NEK5: variants seen among roughly 807,000 people sequenced by gnomAD.
NEK5 encodes the protein serine/threonine-protein kinase Nek5.
NEK5 carries 88 observed loss-of-function variants against 109.2 expected under a neutral mutation model. The observed-to-expected ratio is 0.81, with a 90% CI of 0.68 to 0.96. The LOEUF is 0.96. Among genes scored for constraint, NEK5 ranks in the 40% least tolerant of loss-of-function variants. The pLI is 0.00. For synonymous variants in NEK5, 283 were observed against 299.9 expected, an observed-to-expected ratio of 0.94 and a Z score of 0.58; for missense variants, 834 against 920.7, an observed-to-expected ratio of 0.91 and a Z score of 1.22.
At chr13:52,038,303 C>G (rs1226190755) in intron 23 of NEK5, among the ~76,000 whole-genome samples, 1 of 152,038 alleles carries the variant, frequency 6.6e-6, no homozygotes, top group Non-Finnish European at 1.5e-5. Context: ...GCCTGGGAGA[C>G]AGAGCGAGAC....
chr13:52,054,528 T>A (rs1954535708), intron 22 of NEK5, among the ~76,000 whole-genome samples: 1 of 152,200 alleles, frequency 6.6e-6, no homozygotes, highest in East Asian at 1.9e-4. Flanking sequence ...AGCAGTAACC[T>A]CTGCAGACTT....
intron 1 of NEK5, among the ~76,000 whole-genome samples, chr13:52,128,668 C>T (rs1347221530): frequency 6.6e-6 from 1 of 152,114 alleles, no homozygotes; most frequent in Admixed American, 6.5e-5. Flanking sequence ...GAGACGCATA[C>T]GGACTTGGGG....
chr13:52,039,055 C>A (rs150021502), intron 23 of NEK5, among the ~76,000 whole-genome samples: 72 of 152,136 alleles, frequency 4.7e-4, no homozygotes, highest in Admixed American at 7.9e-4. Flanking sequence ...TGAAAAGAGG[C>A]TGGGTTTTAG....
Position 52,087,407 on chromosome 13 carries a change from C to T in NEK5, c.1323G>A (p.Glu441=). ...TAGGCTCTTCTCCATTACTTCTTAGCTCTTGTCTCTGGTTGTAATTTGGCT... is the reference window on the plus strand; with the variant it reads ...TAGGCTCTTCTCCATTACTTCTTAGTTCTTGTCTCTGGTTGTAATTTGGCT... The part of the protein sequence containing the change: ...SAEPNYNQRQ[E]LRSNGEEPRF... Residue 441 remains glutamate, a synonymous_variant, in exon 15 of 24, where the codon GAG becomes GAA. Coordinates refer to ENST00000684899, the MANE Select transcript of NEK5 (RefSeq NM_001365552.1). The T allele has an allele frequency of 6.2e-7, 1 of 1,612,260 alleles. No individual in the cohort carries two copies. Among genetic ancestry groups the T allele is most frequent in the Non-Finnish European group, 8.5e-7 (1 of 1,178,670 alleles).
chr13:52,064,318 T>C (rs1343004471), intron 21 of NEK5, among the ~76,000 whole-genome samples: 1 of 115,814 alleles, frequency 8.6e-6, no homozygotes, highest in African/African-American at 3.2e-5. Flanking sequence ...GAGGAGCCCC[T>C]CTGCCTGGCC....
At chr13:52,127,890 T>TTATA (rs1442675395) in intron 1 of NEK5, among the ~76,000 whole-genome samples, 1 of 152,224 alleles carries the variant, frequency 6.6e-6, no homozygotes, top group African/African-American at 2.4e-5. Flanking sequence ...TTGTGCACTT[T>TTATA]TATAGTTCAG....
intron 3 of NEK5, 66 bp from the exon 4 acceptor site, chr13:52,119,481 T>G: frequency 1.4e-6 from 1 of 727,496 alleles, no homozygotes; most frequent in Non-Finnish European, 2.3e-6. Context: ...TGCTTTCTGC[T>G]CATTTCCATC....
At chr13:52,106,549 T>C (rs544538519) in intron 8 of NEK5, among the ~76,000 whole-genome samples, 1 of 152,090 alleles carries the variant, frequency 6.6e-6, no homozygotes, top group African/African-American at 2.4e-5. Flanking sequence ...GCAGATCACC[T>C]GAGGTCAAGA....
At chr13:52,091,225 T>C (rs1047105900) in intron 13 of NEK5, among the ~76,000 whole-genome samples, 7 of 151,730 alleles carry the variant, frequency 4.6e-5, no homozygotes, top group African/African-American at 1.4e-4. Context: ...AAATAATTGA[T>C]AGCTTGACAG....
chr13:52,087,586 G>A, intron 14 of NEK5, 132 bp from the exon 15 acceptor site: 2 of 501,488 alleles, frequency 4.0e-6, no homozygotes, highest in Non-Finnish European at 7.0e-6. Context: ...TTTTTTTTGT[G>A]GTAAGTAGTA....
chr13:52,082,149 C>T (rs111656287), intron 17 of NEK5: 25,395 of 255,118 alleles, frequency 0.1, 1,393 homozygotes, highest in Middle Eastern at 0.12. Flanking sequence ...GACCCTGTCT[C>T]TACTAAAATA....
intron 22 of NEK5, among the ~76,000 whole-genome samples, chr13:52,050,686 A>T: frequency 2.9e-5 from 4 of 137,710 alleles, no homozygotes; most frequent in Admixed American, 7.3e-5. Flanking sequence ...AAAGGACTAG[A>T]TTGAAGATAG....
At chr13:52,051,409 T>C (rs1954505151) in intron 22 of NEK5, among the ~76,000 whole-genome samples, 1 of 152,208 alleles carries the variant, frequency 6.6e-6, no homozygotes, top group Non-Finnish European at 1.5e-5. Flanking sequence ...CCTCGAAGAA[T>C]GCAGAAAAGG....
At chr13:52,078,225 T>C (rs1204940048) in intron 17 of NEK5, among the ~76,000 whole-genome samples, 1 of 152,200 alleles carries the variant, frequency 6.6e-6, no homozygotes, top group Non-Finnish European at 1.5e-5. Context: ...CAATAAAGAA[T>C]AATAATGAAC....
intron 12 of NEK5, among the ~76,000 whole-genome samples, chr13:52,094,770 T>C (rs1408258470): frequency 6.6e-6 from 1 of 152,124 alleles, no homozygotes; most frequent in Non-Finnish European, 1.5e-5. Flanking sequence ...TGAGACTCCG[T>C]CTCAAAAAAA....
At chr13:52,099,398 G>A (rs1177170605) in intron 12 of NEK5, among the ~76,000 whole-genome samples, 1 of 152,062 alleles carries the variant, frequency 6.6e-6, no homozygotes, top group African/African-American at 2.4e-5. Flanking sequence ...GGGGCCGGGC[G>A]CCATGGCTCA....
chr13:52,122,724 G>A (rs534399481), intron 3 of NEK5, among the ~76,000 whole-genome samples: 5 of 151,782 alleles, frequency 3.3e-5, no homozygotes, highest in African/African-American at 7.2e-5. Context: ...CAGAGATCAC[G>A]CCACTGCACT....
At chr13:52,071,102 T>C (rs182838563) in intron 20 of NEK5, among the ~76,000 whole-genome samples, 75 of 152,138 alleles carry the variant, frequency 4.9e-4, no homozygotes, top group Non-Finnish European at 2.8e-4. Context: ...ACAGAGAGAA[T>C]GAAGGAAGAG....
At chr13:52,116,743 T>C (rs569238739) in intron 4 of NEK5, among the ~76,000 whole-genome samples, 9 of 152,322 alleles carry the variant, frequency 5.9e-5, no homozygotes, top group Admixed American at 5.2e-4. Context: ...CATGGGAATT[T>C]TTGCCTATTT....
Sources: allele counts gnomAD v4.1 joint callset (sites outside exome capture counted in the v4.1 genomes callset), GRCh38; gene constraint gnomAD v4.1.1; transcripts MANE v1.5; gene names NCBI Gene and HGNC (gene_info 2026-07-23, HGNC 2026-07-21).